Variants in MGAT4C observed in about 807,000 individuals in gnomAD.
The protein encoded by MGAT4C is alpha-1,3-mannosyl-glycoprotein 4-beta-N-acetylglucosaminyltransferase C.
MGAT4C carries 19 observed loss-of-function variants against 40.1 expected under a neutral mutation model. The ratio of observed to expected loss-of-function variants is 0.47; its 90% CI spans 0.33 to 0.70. The LOEUF is 0.70. MGAT4C is among the 30% of genes least tolerant of loss of function. MGAT4C has a pLI of 0.02. For synonymous variants in MGAT4C, 181 were observed against 187.1 expected, an observed-to-expected ratio of 0.97 and a Z score of 0.27; for missense variants, 491 against 563.2, an observed-to-expected ratio of 0.87 and a Z score of 1.30.
rs111588215 is a variant in MGAT4C, at chr12:86,516,649, C to T, written c.-228-81384G>A. ...TTATAAAAATTATAAAATTTTCTGC[C>T]TTGAAAAATCCCATCAAAAAAGTAA... On this transcript the variant is annotated intron_variant, in intron 2 of 7. Transcript: ENST00000548651. 3.4e-3 allele frequency among the ~76,000 whole-genome samples: 512 copies of T among 152,046 alleles called. 1 individual carries two copies. Among genetic ancestry groups the T allele is most frequent in the African/African-American group, 0.012 (495 of 41,476 alleles).
At chr12:86,634,925 G>A (rs1415002003) in intron 2 of MGAT4C, among the ~76,000 whole-genome samples, 1 of 152,116 alleles carries the variant, frequency 6.6e-6, no homozygotes, top group Admixed American at 6.6e-5. Context: ...GGTCAGCTCA[G>A]GGTGTGTCCC....
chr12:86,411,472 T>G (rs1235759327), intron 3 of MGAT4C, among the ~76,000 whole-genome samples: 1 of 152,188 alleles, frequency 6.6e-6, no homozygotes, highest in East Asian at 1.9e-4. Flanking sequence ...ACTAGGGGTT[T>G]GTGGAACTTT....
chr12:86,617,056 G>A (rs139636632), intron 2 of MGAT4C, among the ~76,000 whole-genome samples: 1 of 152,106 alleles, frequency 6.6e-6, no homozygotes, highest in East Asian at 1.9e-4. Context: ...GCAATGGACT[G>A]TATTTTAAAA....
Position 86,037,253 on chromosome 12 carries a change from T to C in MGAT4C, c.-7+12421A>G, listed in dbSNP as rs1438722249. On this transcript the variant is annotated intron_variant, in intron 2 of 4. Transcript: ENST00000611864. ...TTCAAAAATCCAGCTCCTGGATTCATTGATTTTTTGAAGAGTTTTTCGTGT... is the reference window on the plus strand; with the variant it reads ...TTCAAAAATCCAGCTCCTGGATTCACTGATTTTTTGAAGAGTTTTTCGTGT... Among the ~76,000 whole-genome samples, 4 of 150,042 alleles carry C rather than the reference T, an allele frequency of 2.7e-5. No individual in the cohort carries two copies. In the South Asian group the frequency reaches 6.3e-4, roughly 24 times the overall value.
chr12:86,345,006 T>A (rs7972185), intron 3 of MGAT4C, among the ~76,000 whole-genome samples: 132,230 of 152,018 alleles, frequency 0.87, 57,610 homozygotes, highest in East Asian at 1. Context: ...CACTGAAGAA[T>A]TATTCCACTA....
At chr12:86,205,800 A>G (rs915975685) in intron 1 of MGAT4C, among the ~76,000 whole-genome samples, 1 of 152,080 alleles carries the variant, frequency 6.6e-6, no homozygotes. Context: ...TCAGGAAATT[A>G]TTTACTTTGA....
intron 1 of MGAT4C, among the ~76,000 whole-genome samples, chr12:86,826,661 T>C (rs1952814942): frequency 6.6e-6 from 1 of 151,250 alleles, no homozygotes; most frequent in Admixed American, 6.6e-5. Flanking sequence ...TCATGGTTCG[T>C]TGGGGGTAGG....
At chr12:86,271,182 A>T (rs1377288906) in intron 4 of MGAT4C, among the ~76,000 whole-genome samples, 1 of 152,246 alleles carries the variant, frequency 6.6e-6, no homozygotes, top group Non-Finnish European at 1.5e-5. Flanking sequence ...ATTAAACTAA[A>T]CAGCTTCTGC....
chr12:86,390,389 G>C (rs1389251979), intron 3 of MGAT4C, among the ~76,000 whole-genome samples: 4 of 151,934 alleles, frequency 2.6e-5, no homozygotes, highest in African/African-American at 7.3e-5. Context: ...CTAATATTTT[G>C]TATATCACTG....
At chr12:86,405,831 T>G (rs1157547818) in intron 3 of MGAT4C, among the ~76,000 whole-genome samples, 1 of 149,814 alleles carries the variant, frequency 6.7e-6, no homozygotes, top group African/African-American at 2.4e-5. Context: ...TGATTTTTAA[T>G]AGAGTTGCAA....
chr12:86,768,862 T>G (rs1346833553), intron 1 of MGAT4C, among the ~76,000 whole-genome samples: 3 of 151,958 alleles, frequency 2.0e-5, no homozygotes, highest in Non-Finnish European at 1.5e-5. Context: ...TATACAAAAA[T>G]TAATTCAAGA....
intron 1 of MGAT4C, among the ~76,000 whole-genome samples, chr12:86,203,562 T>A (rs1438431774): frequency 6.6e-6 from 1 of 152,196 alleles, no homozygotes; most frequent in Non-Finnish European, 1.5e-5. Context: ...ACTAATTTTT[T>A]TCTCCATATC....
intron 2 of MGAT4C, among the ~76,000 whole-genome samples, chr12:86,701,497 A>C (rs370714901): frequency 1.3e-5 from 2 of 152,242 alleles, no homozygotes; most frequent in South Asian, 4.1e-4. Flanking sequence ...AACAAGTAAA[A>C]CTTTATTAAT....
intron 2 of MGAT4C, among the ~76,000 whole-genome samples, chr12:86,711,637 A>G (rs1022446605): frequency 6.6e-6 from 1 of 152,122 alleles, no homozygotes; most frequent in African/African-American, 2.4e-5. Flanking sequence ...AATAAAGGAT[A>G]AATGGAAGAA....
intron 4 of MGAT4C, among the ~76,000 whole-genome samples, chr12:86,309,740 T>C (rs1954023075): frequency 6.6e-6 from 1 of 152,204 alleles, no homozygotes. Context: ...ATAAACTTCC[T>C]CTGAAACAAT....
At chr12:86,597,337 A>C (rs143764373) in intron 2 of MGAT4C, among the ~76,000 whole-genome samples, 1 of 152,284 alleles carries the variant, frequency 6.6e-6, no homozygotes, top group African/African-American at 2.4e-5. Context: ...CATATGATAA[A>C]GCCCAGGGGG....
intron 1 of MGAT4C, among the ~76,000 whole-genome samples, chr12:86,085,451 T>G (rs2135553688): frequency 6.6e-6 from 1 of 152,298 alleles, no homozygotes; most frequent in East Asian, 1.9e-4. Flanking sequence ...CACCATTTAT[T>G]AAATAGGGAA....
chr12:86,060,532 C>T (rs796553156), intron 1 of MGAT4C, among the ~76,000 whole-genome samples: 1 of 151,874 alleles, frequency 6.6e-6, no homozygotes, highest in South Asian at 2.1e-4. Flanking sequence ...TCATACAATC[C>T]TAATTAATCA....
intron 2 of MGAT4C, among the ~76,000 whole-genome samples, chr12:85,999,583 G>GTATATATATATATATATATATATA (rs67914292): frequency 1.6e-5 from 2 of 122,966 alleles, no homozygotes; most frequent in African/African-American, 5.9e-5. Context: ...GTGTGTGTGT[G>GTATATATATATATATATATATATA]TATATATATA....
Sources: allele counts gnomAD v4.1 joint callset (sites outside exome capture counted in the v4.1 genomes callset), GRCh38; gene constraint gnomAD v4.1.1; transcripts MANE v1.5; gene names NCBI Gene and HGNC (gene_info 2026-07-23, HGNC 2026-07-21).